The following GPD1L variants were observed in gnomAD, a reference collection of about 807,000 sequenced individuals.
The protein encoded by GPD1L is glycerol-3-phosphate dehydrogenase 1 like.
Under a neutral mutation model 32.9 loss-of-function variants are expected in GPD1L, and 17 were observed. The ratio of observed to expected loss-of-function variants is 0.52; its 90% confidence interval spans 0.35 to 0.78. The LOEUF (loss-of-function observed/expected upper bound fraction) is 0.78, where lower values mean the gene tolerates loss of function less well. GPD1L is among the 30% of genes least tolerant of loss of function. GPD1L has a pLI of 0.01. For synonymous variants in GPD1L, 187 were observed against 165.9 expected, an observed-to-expected ratio of 1.13 and a Z score of -0.98; for missense variants, 361 against 447.8, an observed-to-expected ratio of 0.81 and a Z score of 1.75.
intron 5 of GPD1L, among the ~76,000 whole-genome samples, chr3:32,148,110 T>C (rs141390394): frequency 6.6e-6 from 1 of 152,326 alleles, no homozygotes; most frequent in East Asian, 1.9e-4. Flanking sequence ...TTCATTAAAC[T>C]AATTACCACT....
rs200392121 is a variant in GPD1L at position 32,159,085 on chromosome 3, C to T, written c.828C>T (p.Ala276=). The T allele has an allele frequency of 1.9e-4, 307 of 1,613,684 alleles. 4 individuals carry two copies. In the South Asian group the frequency reaches 3.0e-3, roughly 16 times the overall value. The change falls in exon 6 of 8, where the codon GCC becomes GCT. Residue 276 remains alanine (A), a synonymous_variant. Transcript: ENST00000282541. The part of the protein sequence containing the change: ...TCYGGRNRRV[A]EAFARTGKTI... ...ACGGAGGGCGGAACCGCAGGGTGGCCGAGGCCTTCGCCAGAACTGGGAAGG... is the reference window on the plus strand; with the variant it reads ...ACGGAGGGCGGAACCGCAGGGTGGCTGAGGCCTTCGCCAGAACTGGGAAGG...
At chr3:32,161,894 C>T (rs1480320493) in intron 7 of GPD1L, among the ~76,000 whole-genome samples, 1 of 152,176 alleles carries the variant, frequency 6.6e-6, no homozygotes, top group Non-Finnish European at 1.5e-5. Context: ...CCTCCCCATT[C>T]CTTGTACCAC....
Position 32,106,913 on chromosome 3 carries a change from G to A in GPD1L, c.47+155G>A, listed in dbSNP as rs1376004123. The A allele has an allele frequency of 1.8e-6, 1 of 561,536 alleles. No homozygotes were observed. Among genetic ancestry groups the A allele is most frequent in the Non-Finnish European group, 2.7e-6 (1 of 374,954 alleles). 34.8% of individuals were successfully genotyped at this position (561,536 alleles called of 1,614,324 possible). A position where few individuals can be genotyped will look rare whatever the true frequency, so the allele number is the denominator to read the frequency against. On this transcript the variant is annotated intron_variant, in intron 1 of 7. Transcript: ENST00000282541. The surrounding 1 kb of genome is among the most constrained non-coding windows in gnomAD (Gnocchi z 4.0). ...CTCGTTGCTGGGCTGGGCACCGTGCGCCCGAGGAGGCCGCACCGGGGCACT... is the reference window on the plus strand; with the variant it reads ...CTCGTTGCTGGGCTGGGCACCGTGCACCCGAGGAGGCCGCACCGGGGCACT...
At chr3:32,121,857 G>C (rs548199121) in intron 1 of GPD1L, among the ~76,000 whole-genome samples, 3 of 150,254 alleles carry the variant, frequency 2.0e-5, no homozygotes, top group Non-Finnish European at 3.0e-5. Flanking sequence ...CGCAACCTCT[G>C]CCTCCCAGTT....
Position 32,126,532 on chromosome 3 carries a change from G to C in GPD1L, c.48-1544G>C, listed in dbSNP as rs113659671. ...ACAGCCTTTATCTTCCTGTGAGTAC[G>C]TGAGCAGCTGTTTCCAAGATTAGAA... On this transcript the variant is annotated intron_variant, in intron 1 of 7. Transcript: ENST00000282541. 5.5e-3 allele frequency among the ~76,000 whole-genome samples: 838 copies of C among 152,318 alleles called. 6 individuals carry two copies. The highest frequency in any genetic ancestry group is 0.019 in the African/African-American group (779 of 41,550).
intron 5 of GPD1L, among the ~76,000 whole-genome samples, chr3:32,153,937 C>T (rs79810755): frequency 0.017 from 2,623 of 152,180 alleles, 81 homozygotes; most frequent in African/African-American, 0.059. Flanking sequence ...GAGCTACATA[C>T]GTCTGTTTTC....
intron 1 of GPD1L, among the ~76,000 whole-genome samples, chr3:32,108,259 C>T: frequency 6.6e-6 from 1 of 152,128 alleles, no homozygotes; most frequent in East Asian, 1.9e-4. Flanking sequence ...GTGGCTCACG[C>T]TTGTAATCCC....
Position 32,166,022 on chromosome 3 carries a change from T to C in GPD1L, c.*112T>C. ...TGTTTGACTGTAATCTCATCACGGA[T>C]ATGTATGAATTTTTACAGGTTCGTT... On this transcript the variant is annotated 3_prime_UTR_variant, in exon 8 of 8. Transcript: ENST00000282541. The C allele has an allele frequency of 1.4e-6, 1 of 732,360 alleles. No homozygotes were observed. Among genetic ancestry groups the C allele is most frequent in the Non-Finnish European group, 2.5e-6 (1 of 396,606 alleles). The allele number at this position is 732,360 out of a possible 1,614,324, so 45.4% of individuals were successfully genotyped here.
chr3:32,150,364 G>A (rs935663117), intron 5 of GPD1L, among the ~76,000 whole-genome samples: 1 of 152,078 alleles, frequency 6.6e-6, no homozygotes, highest in Non-Finnish European at 1.5e-5. Context: ...GAGGTCTTGT[G>A]TTCCTTGGCT....
At chr3:32,136,766 G>GT (rs200446331) in intron 2 of GPD1L, among the ~76,000 whole-genome samples, 59 of 151,030 alleles carry the variant, frequency 3.9e-4, no homozygotes, top group South Asian at 1.3e-3. Flanking sequence ...CATGTTTTTT[G>GT]TTTTTTTTTC....
At chr3:32,115,757 A>AGTTTTTTTTTTTTT (rs1559568569) in intron 1 of GPD1L, among the ~76,000 whole-genome samples, 1 of 75,854 alleles carries the variant, frequency 1.3e-5, no homozygotes, top group Non-Finnish European at 3.4e-5. Flanking sequence ...TGTACGTTGA[A>AGTTTTTTTTTTTTT]CTTTTTTTTT....
intron 4 of GPD1L, among the ~76,000 whole-genome samples, 174 bp downstream of exon 4, chr3:32,140,540 A>G (rs1035863171): frequency 1.3e-5 from 2 of 152,338 alleles, no homozygotes; most frequent in South Asian, 2.1e-4. Context: ...TGTGGAACTG[A>G]AGTGTTTCAA....
intron 1 of GPD1L, among the ~76,000 whole-genome samples, chr3:32,121,739 ATATATATATTT>A (rs1416216899): frequency 0.021 from 2,936 of 138,994 alleles, 242 homozygotes; most frequent in East Asian, 0.21. Context: ...ATATATTTCT[ATATATATATTT>A]CTATATATAT....
intron 4 of GPD1L, among the ~76,000 whole-genome samples, chr3:32,143,374 A>T (rs28709476): frequency 1.3e-5 from 2 of 152,004 alleles, no homozygotes; most frequent in Non-Finnish European, 1.5e-5. Context: ...TACAGGTGCG[A>T]GCCACTGTGC....
chr3:32,152,645 A>G (rs1241149187), intron 5 of GPD1L, among the ~76,000 whole-genome samples: 1 of 152,120 alleles, frequency 6.6e-6, no homozygotes, highest in Non-Finnish European at 1.5e-5. Flanking sequence ...TGACCAAAAC[A>G]CTTCCTGTTA....
chr3:32,146,579 T>A, intron 4 of GPD1L, 43 bp from the exon 5 acceptor site: 1 of 1,042,782 alleles, frequency 9.6e-7, no homozygotes. Context: ...AAATTAAGAT[T>A]AGAGGCTGTT....
chr3:32,125,582 G>A (rs1700495142), intron 1 of GPD1L, among the ~76,000 whole-genome samples: 1 of 152,190 alleles, frequency 6.6e-6, no homozygotes, highest in Non-Finnish European at 1.5e-5. Context: ...ACTTGTCATG[G>A]ATCAACATGT....
chr3:32,155,164 C>T (rs547081714), intron 5 of GPD1L, among the ~76,000 whole-genome samples: 42 of 152,132 alleles, frequency 2.8e-4, no homozygotes, highest in Admixed American at 7.2e-4. Flanking sequence ...CACACTGGAG[C>T]AGCAAGGCAC....
rs1701040903 is a variant in GPD1L, at chr3:32,159,109, G to GACCATTGAAGA, written c.852_852+1insACCATTGAAGA (p.Leu289ProfsTer10). 1 of 1,611,224 alleles carries GACCATTGAAGA rather than the reference G, an allele frequency of 6.2e-7. No individual in the cohort carries two copies. The highest frequency in any genetic ancestry group is 1.3e-5 in the African/African-American group (1 of 74,876). On this transcript the variant is annotated frameshift_variant and splice_region_variant. Coordinates refer to ENST00000282541, the MANE Select transcript of GPD1L (RefSeq NM_015141.4). LOFTEE classifies it high-confidence loss of function. Reference sequence around the variant, plus strand: ...CCGAGGCCTTCGCCAGAACTGGGAAGGTAGCCCCTCACCTGCTCTCCCGCA... The same window carrying GACCATTGAAGA: ...CCGAGGCCTTCGCCAGAACTGGGAAGACCATTGAAGAGTAGCCCCTCACCTGCTCTCCCGCA...
Sources: allele counts gnomAD v4.1 joint callset (sites outside exome capture counted in the v4.1 genomes callset), GRCh38; gene constraint gnomAD v4.1.1; non-coding constraint Gnocchi (gnomAD v3.1); transcripts MANE v1.5; gene names NCBI Gene and HGNC (gene_info 2026-07-23, HGNC 2026-07-21).